The following PDLIM5 variants were observed in gnomAD, a reference collection of about 807,000 sequenced individuals.
PDLIM5 encodes the protein PDZ and LIM domain 5, also known as PDZ and LIM domain protein 5.
In PDLIM5, 34 loss-of-function variants were observed where a neutral mutation model predicts 64.2. The observed-to-expected ratio is 0.53, with a 90% CI of 0.40 to 0.71. PDLIM5 has a LOEUF of 0.71. Ranked by LOEUF, PDLIM5 falls within the 30% of genes least tolerant of loss-of-function variation. PDLIM5 has a pLI of 0.00. For synonymous variants in PDLIM5, 253 were observed against 269.1 expected (o/e 0.94, Z 0.59); for missense variants, 683 against 733.6 (o/e 0.93, Z 0.80).
At position 94,666,795 on chromosome 4, in the gene PDLIM5, T is replaced by C. The variant is rs929311136; in HGVS notation, c.*2728T>C. On this transcript the variant is annotated 3_prime_UTR_variant, in exon 13 of 13. Transcript: ENST00000317968. ...CCAAATTTTATGCCTGAAAGGGTAG[T>C]GTTGCTTCCTAAGGTATCATGTTGT... 1 of 152,226 alleles carries C rather than the reference T, an allele frequency of 6.6e-6. No homozygotes were observed. The highest frequency in any genetic ancestry group is 1.5e-5 in the Non-Finnish European group (1 of 68,026). The allele number at this position is 152,226 out of a possible 1,614,324, so 9.4% of individuals were successfully genotyped here. A position where few individuals can be genotyped will look rare whatever the true frequency, so the allele number is the denominator to read the frequency against.
intron 3 of PDLIM5, among the ~76,000 whole-genome samples, chr4:94,553,737 A>G (rs1456342409): frequency 6.6e-6 from 1 of 152,138 alleles, no homozygotes; most frequent in Non-Finnish European, 1.5e-5. Context: ...TCCTTGCCAG[A>G]TTACAGAGCT....
intron 8 of PDLIM5, among the ~76,000 whole-genome samples, chr4:94,636,729 G>GT (rs990534818): frequency 6.6e-6 from 1 of 151,952 alleles, no homozygotes; most frequent in African/African-American, 2.4e-5. Context: ...TAGAGACGGG[G>GT]TTTCACCGTG....
At position 94,525,659 on chromosome 4, in the gene PDLIM5, A is replaced by T. The variant is rs576152649; in HGVS notation, c.248+1784A>T. Among the ~76,000 whole-genome samples the T allele has an allele frequency of 9.8e-5, 15 of 152,328 alleles. No individual in the cohort carries two copies. The East Asian group carries it at 2.7e-3, about 27-fold the overall frequency. ...AATTTGGTATTAAAACTGAATAGGA[A>T]ATTGTTTTTGCAAACTTTGACTTAG... On this transcript the variant is annotated intron_variant, in intron 3 of 12. Coordinates refer to ENST00000317968, the MANE Select transcript of PDLIM5 (RefSeq NM_006457.5).
chr4:94,548,450 C>T (rs1732513737), intron 3 of PDLIM5, among the ~76,000 whole-genome samples: 2 of 152,152 alleles, frequency 1.3e-5, no homozygotes, highest in Non-Finnish European at 2.9e-5. Flanking sequence ...TTTCATTTTG[C>T]TTCACCCTCT....
chr4:94,456,962 G>A, intron 2 of PDLIM5: 1 of 990,694 alleles, frequency 1.0e-6, no homozygotes, highest in Non-Finnish European at 1.2e-6. Context: ...CAACAGTTAT[G>A]CTGTGCTGCC....
chr4:94,575,913 G>C lies in PDLIM5; in HGVS notation c.589G>C (p.Gly197Arg). ...CCAGTCTCCATCTGCACTGAGCGCT[G>C]GTAAAACTGCAGTTAATGTCCCACG... is the stretch of plus-strand genomic sequence containing the variant. Reference protein sequence around the residue: ...ADQSPSALSAGKTAVNVPRQP... With the variant: ...ADQSPSALSARKTAVNVPRQP... The change falls in exon 5 of 13, where the codon GGT (glycine) becomes CGT (arginine). Residue 197 changes from glycine (G) to arginine (R), a missense_variant. Transcript: ENST00000317968. 6.2e-7 allele frequency: 1 copy of C among 1,614,112 alleles called. No homozygotes were observed. Among genetic ancestry groups the C allele is most frequent in the Non-Finnish European group, 8.5e-7 (1 of 1,180,008 alleles).
rs574616054 is a variant in PDLIM5 at position 94,506,691 on chromosome 4, G to A, written c.97-17033G>A. 1.5e-4 allele frequency among the ~76,000 whole-genome samples: 23 copies of A among 152,312 alleles called. 1 individual carries two copies. In the South Asian group the frequency reaches 4.6e-3, roughly 30 times the overall value. On this transcript the variant is annotated intron_variant, in intron 2 of 12. Coordinates refer to ENST00000317968, the MANE Select transcript of PDLIM5 (RefSeq NM_006457.5). ...TCAGAACATAGCATTCTGTCCCTGT[G>A]TGATGGTTAATATTAGGTGTCAACT...
chr4:94,572,297 T>G (rs1278544995), intron 3 of PDLIM5, among the ~76,000 whole-genome samples: 1 of 152,168 alleles, frequency 6.6e-6, no homozygotes, highest in Non-Finnish European at 1.5e-5. Context: ...AACATATACC[T>G]TAACACTAAG....
At chr4:94,657,783 T>C (rs2110496790) in intron 11 of PDLIM5, among the ~76,000 whole-genome samples, 1 of 152,288 alleles carries the variant, frequency 6.6e-6, no homozygotes, top group Admixed American at 6.5e-5. Context: ...CTCGGCTCAC[T>C]GCAGCCTCTG....
intron 1 of PDLIM5, among the ~76,000 whole-genome samples, chr4:94,453,369 G>A (rs1723037038): frequency 6.6e-6 from 1 of 152,140 alleles, no homozygotes; most frequent in African/African-American, 2.4e-5. Flanking sequence ...GAAATGAACG[G>A]ACAGTGACTA....
intron 7 of PDLIM5, among the ~76,000 whole-genome samples, chr4:94,612,463 G>A (rs1053738186): frequency 1.3e-5 from 2 of 152,106 alleles, no homozygotes; most frequent in African/African-American, 4.8e-5. Context: ...TACACTTTGA[G>A]TACTTGAGTA....
chr4:94,657,831 C>T (rs1002335463), intron 11 of PDLIM5, among the ~76,000 whole-genome samples: 3 of 152,002 alleles, frequency 2.0e-5, no homozygotes, highest in Admixed American at 6.6e-5. Flanking sequence ...CTCAGCCTCC[C>T]GAATAGCTGG....
At chr4:94,597,996 A>G (rs1163301124) in intron 7 of PDLIM5, among the ~76,000 whole-genome samples, 1 of 152,092 alleles carries the variant, frequency 6.6e-6, no homozygotes, top group Non-Finnish European at 1.5e-5. Flanking sequence ...CAATTGATCA[A>G]AGAAAGACCC....
chr4:94,582,816 G>T, intron 5 of PDLIM5: 4 of 852,084 alleles, frequency 4.7e-6, no homozygotes, highest in South Asian at 3.2e-5. Context: ...AGCAAATTTT[G>T]TTAGGATTTT....
chr4:94,520,971 C>A (rs1239144346), intron 2 of PDLIM5, among the ~76,000 whole-genome samples: 1 of 152,154 alleles, frequency 6.6e-6, no homozygotes, highest in Non-Finnish European at 1.5e-5. Context: ...CAGTTAAGTT[C>A]TTCCTAATAA....
chr4:94,633,687 C>G (rs1018178865), intron 8 of PDLIM5, among the ~76,000 whole-genome samples: 1 of 152,006 alleles, frequency 6.6e-6, no homozygotes, highest in African/African-American at 2.4e-5. Flanking sequence ...AGGGATAGAG[C>G]AATGTACAAA....
At chr4:94,610,249 G>A in intron 7 of PDLIM5, 1 of 1,518,604 alleles carries the variant, frequency 6.6e-7, no homozygotes, top group Non-Finnish European at 8.8e-7. Flanking sequence ...ATATAGTGCT[G>A]CAGTTCTGAG....
chr4:94,558,988 G>A (rs1733612266), intron 3 of PDLIM5, among the ~76,000 whole-genome samples: 1 of 151,958 alleles, frequency 6.6e-6, no homozygotes, highest in South Asian at 2.1e-4. Flanking sequence ...TTTAAGTTGA[G>A]TAGGTTTTTA....
At chr4:94,494,902 C>T (rs1049212109) in intron 2 of PDLIM5, among the ~76,000 whole-genome samples, 3 of 152,054 alleles carry the variant, frequency 2.0e-5, no homozygotes, top group Non-Finnish European at 4.4e-5. Flanking sequence ...GTGCACGTCG[C>T]CACGCCCGGA....
Sources: allele counts gnomAD v4.1 joint callset (sites outside exome capture counted in the v4.1 genomes callset), GRCh38; gene constraint gnomAD v4.1.1; transcripts MANE v1.5; gene names NCBI Gene and HGNC (gene_info 2026-07-23, HGNC 2026-07-21).